Variants in CAMK4 observed in about 807,000 individuals in gnomAD.
CAMK4 encodes the protein calcium/calmodulin-dependent protein kinase type IV.
Under a neutral mutation model 44.9 loss-of-function variants are expected in CAMK4, and 22 were observed. That is an observed-to-expected ratio of 0.49 (90% CI 0.35 to 0.70). The LOEUF (loss-of-function observed/expected upper bound fraction) is 0.70, where lower values mean the gene tolerates loss of function less well. Among genes scored for constraint, CAMK4 ranks in the 30% least tolerant of loss-of-function variants. The pLI is 0.01. For synonymous variants in CAMK4, 218 were observed against 215.4 expected (o/e 1.01, Z -0.11); for missense variants, 498 against 586.8 (o/e 0.85, Z 1.56).
intron 4 of CAMK4, among the ~76,000 whole-genome samples, chr5:111,388,475 G>T (rs568215608): frequency 6.6e-6 from 1 of 151,858 alleles, no homozygotes; most frequent in Non-Finnish European, 1.5e-5. Context: ...TACCTATCCC[G>T]ACCCCCAACT....
chr5:111,338,390 A>G (rs962108449), intron 1 of CAMK4, among the ~76,000 whole-genome samples: 1 of 151,178 alleles, frequency 6.6e-6, no homozygotes, highest in African/African-American at 2.4e-5. Flanking sequence ...CTCCACTCCA[A>G]TCCTCTGGTG....
At chr5:111,425,450 C>T (rs545467909) in intron 5 of CAMK4, among the ~76,000 whole-genome samples, 28 of 152,170 alleles carry the variant, frequency 1.8e-4, no homozygotes, top group Admixed American at 1.6e-3. Context: ...AATGCAAGCA[C>T]CTGCCACCTC....
At chr5:111,403,801 C>T (rs565594250) in intron 5 of CAMK4, among the ~76,000 whole-genome samples, 5 of 152,256 alleles carry the variant, frequency 3.3e-5, no homozygotes, top group South Asian at 2.1e-4. Context: ...AATGTTTCTG[C>T]ACACCATTAT....
intron 5 of CAMK4, among the ~76,000 whole-genome samples, chr5:111,421,386 A>C (rs1753026932): frequency 6.6e-6 from 1 of 152,220 alleles, no homozygotes; most frequent in African/African-American, 2.4e-5. Context: ...TAAGATGCAG[A>C]ATTTTTCAAA....
intron 2 of CAMK4, among the ~76,000 whole-genome samples, chr5:111,348,812 C>T (rs1168796195): frequency 1.3e-5 from 2 of 151,928 alleles, no homozygotes; most frequent in African/African-American, 4.8e-5. Context: ...ACATTGAGAC[C>T]CTGTTCGCAT....
chr5:111,450,690 A>G (rs1003101647), intron 7 of CAMK4, among the ~76,000 whole-genome samples: 1 of 150,014 alleles, frequency 6.7e-6, no homozygotes, highest in Non-Finnish European at 1.5e-5. Flanking sequence ...CAGGAGGCTG[A>G]GGCAGTAGAA....
chr5:111,412,459 A>G (rs1337118075), intron 5 of CAMK4, among the ~76,000 whole-genome samples: 2 of 152,226 alleles, frequency 1.3e-5, no homozygotes, highest in African/African-American at 4.8e-5. Context: ...ACAGAATGCC[A>G]GAAGAAGATA....
At chr5:111,292,032 C>T (rs1257737427) in intron 1 of CAMK4, among the ~76,000 whole-genome samples, 1 of 152,168 alleles carries the variant, frequency 6.6e-6, no homozygotes, top group African/African-American at 2.4e-5. Context: ...TATATTCCAA[C>T]ATCCTGCACC....
intron 1 of CAMK4, among the ~76,000 whole-genome samples, chr5:111,311,596 C>CCAAAAGA (rs1748206164): frequency 6.6e-6 from 1 of 152,152 alleles, no homozygotes; most frequent in South Asian, 2.1e-4. Flanking sequence ...GAGCTGGCCT[C>CCAAAAGA]ACACCCTCTG....
intron 2 of CAMK4, among the ~76,000 whole-genome samples, chr5:111,358,608 G>A (rs1042357253): frequency 1.3e-5 from 2 of 151,204 alleles, no homozygotes; most frequent in African/African-American, 4.9e-5. Context: ...ACATATGCAG[G>A]TTTGTTATGT....
intron 1 of CAMK4, among the ~76,000 whole-genome samples, chr5:111,337,533 A>G (rs534977920): frequency 2.0e-4 from 30 of 149,126 alleles, no homozygotes; most frequent in Admixed American, 6.0e-4. Flanking sequence ...GGTCATTCAA[A>G]TAGTGTTGTT....
intron 1 of CAMK4, among the ~76,000 whole-genome samples, chr5:111,274,435 G>A (rs909728070): frequency 2.0e-5 from 3 of 152,118 alleles, no homozygotes; most frequent in Non-Finnish European, 2.9e-5. Flanking sequence ...CATAATTGGT[G>A]TTCAATAAAT....
chr5:111,408,832 C>A (rs776230943), intron 5 of CAMK4, among the ~76,000 whole-genome samples: 1 of 152,092 alleles, frequency 6.6e-6, no homozygotes, highest in East Asian at 1.9e-4. Context: ...TGCTACAGGC[C>A]CCATGCAAGT....
At chr5:111,418,589 C>A (rs916420992) in intron 5 of CAMK4, among the ~76,000 whole-genome samples, 2 of 150,266 alleles carry the variant, frequency 1.3e-5, no homozygotes, top group Non-Finnish European at 3.0e-5. Context: ...CTATCCCTCC[C>A]ACCTCCCCCC....
At chr5:111,225,526 AGATCCAGGCTCTT>A (rs1431166461) in intron 1 of CAMK4, among the ~76,000 whole-genome samples, 1 of 152,044 alleles carries the variant, frequency 6.6e-6, no homozygotes, top group African/African-American at 2.4e-5. Flanking sequence ...CACTTATTTT[AGATCCAGGCTCTT>A]TAGTATAGGG....
intron 1 of CAMK4, among the ~76,000 whole-genome samples, chr5:111,252,638 C>T (rs1749556338): frequency 6.6e-6 from 1 of 152,098 alleles, no homozygotes; most frequent in African/African-American, 2.4e-5. Context: ...TGGTAACTAA[C>T]ATAGTAATAA....
intron 1 of CAMK4, among the ~76,000 whole-genome samples, chr5:111,242,006 G>A (rs1318977223): frequency 1.3e-5 from 2 of 152,114 alleles, no homozygotes; most frequent in African/African-American, 4.8e-5. Context: ...TATTTAAGAT[G>A]GACTGTTGGA....
At chr5:111,298,995 A>G (rs1328500168) in intron 1 of CAMK4, among the ~76,000 whole-genome samples, 1 of 152,230 alleles carries the variant, frequency 6.6e-6, no homozygotes, top group East Asian at 1.9e-4. Context: ...GCCCTCAGTC[A>G]TAAGTAGCTT....
intron 1 of CAMK4, among the ~76,000 whole-genome samples, chr5:111,235,886 G>A (rs1748690277): frequency 6.6e-6 from 1 of 152,208 alleles, no homozygotes; most frequent in African/African-American, 2.4e-5. Context: ...CAGCTACTCA[G>A]GGTGGCTCTG....
Sources: allele counts gnomAD v4.1 joint callset (sites outside exome capture counted in the v4.1 genomes callset), GRCh38; gene constraint gnomAD v4.1.1; transcripts MANE v1.5; gene names NCBI Gene and HGNC (gene_info 2026-07-23, HGNC 2026-07-21).